Variants in SEZ6L observed in about 807,000 individuals in gnomAD.
SEZ6L encodes seizure related 6 homolog like.
Under a neutral mutation model 106.2 loss-of-function variants are expected in SEZ6L, and 37 were observed. The observed-to-expected ratio is 0.35, with a 90% CI of 0.27 to 0.46. The LOEUF (loss-of-function observed/expected upper bound fraction) is 0.46. Ranked by LOEUF, SEZ6L falls within the 20% of genes least tolerant of loss-of-function variation. The pLI is 1.00. For missense variants in SEZ6L, 1,172 were observed against 1,332.8 expected (o/e 0.88, Z 1.88); for synonymous variants, 541 against 570.4 (o/e 0.95, Z 0.73).
At chr22:26,337,087 C>T (rs1431496855) in intron 9 of SEZ6L, among the ~76,000 whole-genome samples, 2 of 152,008 alleles carry the variant, frequency 1.3e-5, no homozygotes, top group Non-Finnish European at 2.9e-5. Flanking sequence ...CTGCCTGCCT[C>T]ACCTCATCCC....
At chr22:26,309,796 A>G (rs985875133) in intron 6 of SEZ6L, among the ~76,000 whole-genome samples, 9 of 152,062 alleles carry the variant, frequency 5.9e-5, no homozygotes, top group Admixed American at 3.9e-4. Context: ...CCAGGCTACT[A>G]TCTAACTCCT....
At chr22:26,363,718 T>C (rs2083712817) in intron 12 of SEZ6L, among the ~76,000 whole-genome samples, 1 of 152,202 alleles carries the variant, frequency 6.6e-6, no homozygotes. Flanking sequence ...TGTACACCCA[T>C]GTTCATAGCA....
At chr22:26,186,434 T>C (rs1436938281) in intron 1 of SEZ6L, among the ~76,000 whole-genome samples, 5 of 151,984 alleles carry the variant, frequency 3.3e-5, no homozygotes, top group Non-Finnish European at 7.4e-5. Context: ...GTGGGGGAGA[T>C]TGGGCTAACT....
intron 1 of SEZ6L, among the ~76,000 whole-genome samples, chr22:26,231,881 G>T (rs1178833247): frequency 6.6e-6 from 1 of 152,184 alleles, no homozygotes; most frequent in Non-Finnish European, 1.5e-5. Flanking sequence ...GAGGCCAACT[G>T]CAAGTGCCAT....
At chr22:26,227,027 C>T (rs2078654273) in intron 1 of SEZ6L, among the ~76,000 whole-genome samples, 2 of 152,280 alleles carry the variant, frequency 1.3e-5, no homozygotes, top group African/African-American at 4.8e-5. Flanking sequence ...TCAGGGTTTC[C>T]TGTTACTAGA....
intron 1 of SEZ6L, among the ~76,000 whole-genome samples, chr22:26,232,981 C>T (rs2078847297): frequency 6.6e-6 from 1 of 152,192 alleles, no homozygotes; most frequent in African/African-American, 2.4e-5. Flanking sequence ...ACTCTGTCCT[C>T]CCCCGACACA....
intron 1 of SEZ6L, among the ~76,000 whole-genome samples, chr22:26,180,175 C>T (rs1029814553): frequency 3.9e-5 from 6 of 152,196 alleles, no homozygotes; most frequent in Non-Finnish European, 5.9e-5. Flanking sequence ...ATACAGCAAT[C>T]GCCACTGATG....
At chr22:26,350,679 T>C (rs1601585609) in intron 11 of SEZ6L, among the ~76,000 whole-genome samples, 2 of 139,400 alleles carry the variant, frequency 1.4e-5, no homozygotes, top group South Asian at 2.3e-4. Flanking sequence ...TTTTTTGAGA[T>C]GGAGTCTCGC....
rs566340998 is a variant in SEZ6L, at chr22:26,319,369, C to G, written c.2015+5467C>G. On this transcript the variant is annotated intron_variant, in intron 9 of 16. Transcript: ENST00000248933. ...CCTGTTACAACCGAAGTCATAGCACCCATGCTCTGCTCAAAGTTCTGCAAT... is the reference window on the plus strand; with the variant it reads ...CCTGTTACAACCGAAGTCATAGCACGCATGCTCTGCTCAAAGTTCTGCAAT... Among the ~76,000 whole-genome samples the G allele has an allele frequency of 2.0e-5, 3 of 152,308 alleles. 1 individual carries two copies. Among genetic ancestry groups the G allele is most frequent in the African/African-American group, 7.2e-5 (3 of 41,548 alleles).
rs916376009 is a variant in SEZ6L, at chr22:26,265,902, T to C, written c.95-26504T>C. Among the ~76,000 whole-genome samples the C allele has an allele frequency of 2.6e-5, 4 of 152,194 alleles. No individual in the cohort carries two copies. In the South Asian group the frequency reaches 8.3e-4, roughly 32 times the overall value. ...GTAAATATTTTGGGTGCATCTTCCATGGTCCAAGAACTCACTGTGGCTCCC... is the reference window on the plus strand; with the variant it reads ...GTAAATATTTTGGGTGCATCTTCCACGGTCCAAGAACTCACTGTGGCTCCC... On this transcript the variant is annotated intron_variant, in intron 1 of 16. Coordinates refer to ENST00000248933, the MANE Select transcript of SEZ6L (RefSeq NM_021115.5).
rs761610549 is a variant in SEZ6L at position 26,365,464 on chromosome 22, A to G, written c.2692A>G (p.Thr898Ala). The G allele has an allele frequency of 4.3e-6, 7 of 1,614,126 alleles. No individual in the cohort carries two copies. Among genetic ancestry groups the G allele is most frequent in the Admixed American group, 1.7e-5 (1 of 60,022 alleles). ...KRLYLPGESL[T>A]FMCYEGFELM... Reference sequence around the variant, plus strand: ...ACTCTACCTGCCAGGAGAGTCCCTCACCTTCATGTGCTACGAAGGCTTTGA... The same window carrying G: ...ACTCTACCTGCCAGGAGAGTCCCTCGCCTTCATGTGCTACGAAGGCTTTGA... Residue 898 changes from threonine (T) to alanine (A), a missense_variant, in exon 13 of 17, where the codon ACC becomes GCC. Around this residue, in one of 4 missense-constraint regions of SEZ6L, gnomAD observed 141 missense variants for 176.0 expected, o/e 0.80. Coordinates refer to ENST00000248933, the MANE Select transcript of SEZ6L (RefSeq NM_021115.5).
At chr22:26,294,826 T>TCTTGCTTG (rs372757123) in intron 3 of SEZ6L, among the ~76,000 whole-genome samples, 1 of 150,850 alleles carries the variant, frequency 6.6e-6, no homozygotes, top group East Asian at 1.9e-4. Flanking sequence ...TCTCTTTCTT[T>TCTTGCTTG]CTTGCTTGCT....
chr22:26,278,851 G>GAAGAAAAGAAAAGAA (rs777804126), intron 1 of SEZ6L, among the ~76,000 whole-genome samples: 2 of 142,268 alleles, frequency 1.4e-5, no homozygotes, highest in Non-Finnish European at 3.1e-5. Context: ...AGGAAAGAAA[G>GAAGAAAAGAAAAGAA]AAGAAAAGAA....
chr22:26,255,424 A>T (rs1272258137), intron 1 of SEZ6L, among the ~76,000 whole-genome samples: 1 of 152,188 alleles, frequency 6.6e-6, no homozygotes, highest in African/African-American at 2.4e-5. Flanking sequence ...TGAGATTTCA[A>T]AGTGGTGTCT....
chr22:26,236,957 T>TCC (rs2078975067), intron 1 of SEZ6L, among the ~76,000 whole-genome samples: 1 of 151,886 alleles, frequency 6.6e-6, no homozygotes, highest in African/African-American at 2.4e-5. Context: ...CTGTCTCTGC[T>TCC]CCCCCTTTCA....
chr22:26,323,656 T>C (rs1214348751), intron 9 of SEZ6L, among the ~76,000 whole-genome samples: 3 of 151,966 alleles, frequency 2.0e-5, no homozygotes, highest in African/African-American at 7.3e-5. Context: ...AATGTAAAAA[T>C]TAAAATAACA....
intron 9 of SEZ6L, among the ~76,000 whole-genome samples, chr22:26,326,638 C>T (rs1484141029): frequency 6.6e-6 from 1 of 152,190 alleles, no homozygotes. Context: ...CAGCCTCACA[C>T]CCCTCATCAC....
At chr22:26,324,554 AAGG>A (rs1445130779) in intron 9 of SEZ6L, among the ~76,000 whole-genome samples, 1 of 152,208 alleles carries the variant, frequency 6.6e-6, no homozygotes, top group African/African-American at 2.4e-5. Context: ...AGAGCCAGGA[AAGG>A]AGGAGAGAGA....
At chr22:26,274,691 G>C (rs1224854444) in intron 1 of SEZ6L, among the ~76,000 whole-genome samples, 2 of 152,184 alleles carry the variant, frequency 1.3e-5, no homozygotes, top group Admixed American at 6.5e-5. Context: ...AAGGGAAGAG[G>C]TACATGAGGC....
Sources: allele counts gnomAD v4.1 joint callset (sites outside exome capture counted in the v4.1 genomes callset), GRCh38; gene constraint gnomAD v4.1.1; regional missense constraint gnomAD v4.1.1; transcripts MANE v1.5; gene names NCBI Gene and HGNC (gene_info 2026-07-23, HGNC 2026-07-21).